The following KANSL1L variants were observed in gnomAD, a reference collection of about 807,000 sequenced individuals.
KANSL1L encodes KAT8 regulatory NSL complex subunit 1 like.
Under a neutral mutation model 108.6 loss-of-function variants are expected in KANSL1L, and 25 were observed. The observed-to-expected ratio is 0.23, with a 90% CI of 0.17 to 0.32. The LOEUF is 0.32. Among genes scored for constraint, KANSL1L ranks in the 10% least tolerant of loss-of-function variants. The probability of loss-of-function intolerance (pLI) is 1.00; values close to 1 mark genes in which losing one functional copy is unlikely to be tolerated. For synonymous variants in KANSL1L, 405 were observed against 395.1 expected (o/e 1.03, Z -0.30); for missense variants, 1,137 against 1,125.7 (o/e 1.01, Z -0.14).
intron 2 of KANSL1L, among the ~76,000 whole-genome samples, chr2:210,146,818 GCTT>G (rs1187169745): frequency 6.6e-6 from 1 of 152,136 alleles, no homozygotes; most frequent in Non-Finnish European, 1.5e-5. Flanking sequence ...GCAATCTGAT[GCTT>G]TTTTCATTAA....
chr2:210,026,035 A>G (rs1241508594), intron 12 of KANSL1L, among the ~76,000 whole-genome samples: 2 of 152,230 alleles, frequency 1.3e-5, no homozygotes, highest in Admixed American at 1.3e-4. Flanking sequence ...AGTAAAACTA[A>G]TAATCTTAGA....
In KANSL1L at chr2:210,044,131, T is replaced by C. The variant is rs1411298447; in HGVS notation, c.1756-27A>G. Reference sequence around the variant, plus strand: ...TGCAAGGAAAAACCGTATTAGAATATCACAGCCAAAGCATCCATAAATGGC... The same window carrying C: ...TGCAAGGAAAAACCGTATTAGAATACCACAGCCAAAGCATCCATAAATGGC... On this transcript the variant is annotated intron_variant, in intron 6 of 14. Transcript: ENST00000281772. This position sits in a 1 kb window ranked among gnomAD's most constrained non-coding sequence, Gnocchi z 4.2. 6.6e-7 allele frequency: 1 copy of C among 1,518,806 alleles called. No individual in the cohort carries two copies. The highest frequency in any genetic ancestry group is 8.9e-7 in the Non-Finnish European group (1 of 1,127,438). The allele number at this position is 1,518,806 out of a possible 1,614,324, so 94.1% of individuals were successfully genotyped here. A position where few individuals can be genotyped will look rare whatever the true frequency, so the allele number is the denominator to read the frequency against.
chr2:210,111,602 T>C (rs1252954454), intron 3 of KANSL1L, among the ~76,000 whole-genome samples: 1 of 152,164 alleles, frequency 6.6e-6, no homozygotes, highest in South Asian at 2.1e-4. Flanking sequence ...TTCAGTGAAC[T>C]GTATAGTTAA....
chr2:210,042,992 C>G (rs1192823057), intron 7 of KANSL1L, among the ~76,000 whole-genome samples: 9 of 152,122 alleles, frequency 5.9e-5, no homozygotes, highest in Non-Finnish European at 1.3e-4. Context: ...AGATATCCCC[C>G]AGTAAAGAAG....
chr2:210,021,753 A>G lies in KANSL1L; in HGVS notation c.*1196T>C, dbSNP rs2093859362. 6.6e-6 allele frequency: 1 copy of G among 152,190 alleles called. No individual in the cohort carries two copies. Among genetic ancestry groups the G allele is most frequent in the Admixed American group, 6.5e-5 (1 of 15,274 alleles). The allele number at this position is 152,190 out of a possible 1,614,324, so 9.4% of individuals were successfully genotyped here. On this transcript the variant is annotated 3_prime_UTR_variant, in exon 15 of 15. Coordinates refer to ENST00000281772, the MANE Select transcript of KANSL1L (RefSeq NM_152519.4). ...ACATGACAAAAAGTGAGTTATATAA[A>G]TTGTCCTCAACTTTCACATAGGAAA...
chr2:210,081,012 C>A (rs536482981), intron 5 of KANSL1L, among the ~76,000 whole-genome samples: 1 of 151,988 alleles, frequency 6.6e-6, no homozygotes, highest in Non-Finnish European at 1.5e-5. Context: ...GAGCCTGAGG[C>A]ATGAGAATCG....
At chr2:210,079,668 A>ATGTGTATATATATATATATATATATG (rs2094572583) in intron 5 of KANSL1L, 1 of 60,106 alleles carries the variant, frequency 1.7e-5, no homozygotes, top group Non-Finnish European at 2.8e-5. Context: ...ATATATATGT[A>ATGTGTATATATATATATATATATATG]TGTGTGTATA....
chr2:210,087,027 TATTTTA>T (rs1371266301), intron 5 of KANSL1L, among the ~76,000 whole-genome samples: 24 of 151,730 alleles, frequency 1.6e-4, no homozygotes, highest in African/African-American at 5.3e-4. Flanking sequence ...TTTTATTTTT[TATTTTA>T]TTTTTTTTTT....
At chr2:210,164,031 T>C (rs989327241) in intron 1 of KANSL1L, among the ~76,000 whole-genome samples, 67 of 152,254 alleles carry the variant, frequency 4.4e-4, no homozygotes, top group African/African-American at 1.4e-3. Context: ...AGAATGTAAC[T>C]GTCCAATAGA....
At chr2:210,040,574 A>G (rs2094154072) in intron 7 of KANSL1L, 47 bp from the exon 8 acceptor site, 3 of 806,860 alleles carry the variant, frequency 3.7e-6, no homozygotes, top group Non-Finnish European at 5.9e-6. Context: ...CACTCTTTGT[A>G]ATACTAGGAT....
chr2:210,108,242 C>G (rs2094869941), intron 3 of KANSL1L, among the ~76,000 whole-genome samples: 2 of 152,034 alleles, frequency 1.3e-5, no homozygotes, highest in African/African-American at 4.8e-5. Context: ...TTCTAATAAC[C>G]TAATTTTGTG....
At position 210,022,365 on chromosome 2, in the gene KANSL1L, T is replaced by TATTA. The variant is rs2093872687; in HGVS notation, c.*580_*583dup. 1 of 152,614 alleles carries TATTA rather than the reference T, an allele frequency of 6.6e-6. No individual in the cohort carries two copies. The highest frequency in any genetic ancestry group is 6.5e-5 in the Admixed American group (1 of 15,272). The allele number at this position is 152,614 out of a possible 1,614,324, so 9.5% of individuals were successfully genotyped here. A position where few individuals can be genotyped will look rare whatever the true frequency, so the allele number is the denominator to read the frequency against. ...ATATTCAGGACGTTCAGATGTCTTT[T>TATTA]ATTAGTGGAAACCTGTGTTTTATCT... On this transcript the variant is annotated 3_prime_UTR_variant, in exon 15 of 15. Transcript: ENST00000281772.
At position 210,044,992 on chromosome 2, in the gene KANSL1L, C is replaced by T. The variant is rs1393762868; in HGVS notation, c.1756-888G>A. 6.6e-6 allele frequency among the ~76,000 whole-genome samples: 1 copy of T among 152,110 alleles called. No individual in the cohort carries two copies. The highest frequency in any genetic ancestry group is 1.5e-5 in the Non-Finnish European group (1 of 68,032). On this transcript the variant is annotated intron_variant, in intron 6 of 14. Coordinates refer to ENST00000281772, the MANE Select transcript of KANSL1L (RefSeq NM_152519.4). The surrounding 1 kb of genome is among the most constrained non-coding windows in gnomAD (Gnocchi z 4.2). ...ACCAGTTGGCCAGGCTGGTCTCGAA[C>T]TCCTGACCTCAAGTGATTCAGCCTG...
chr2:210,023,974 TACAA>T (rs2093898647), intron 14 of KANSL1L, 55 bp downstream of exon 14: 3 of 1,197,370 alleles, frequency 2.5e-6, no homozygotes, highest in African/African-American at 3.1e-5. Flanking sequence ...AAGTAGTTTC[TACAA>T]ACAAGTAGTT....
chr2:210,080,290 A>G (rs928505640), intron 5 of KANSL1L: 1 of 152,070 alleles, frequency 6.6e-6, no homozygotes, highest in African/African-American at 2.4e-5. Context: ...ATCTTGCATG[A>G]TGCTTTCCCT....
intron 8 of KANSL1L, among the ~76,000 whole-genome samples, chr2:210,034,855 C>G (rs560433902): frequency 6.6e-6 from 1 of 152,282 alleles, no homozygotes; most frequent in South Asian, 2.1e-4. Context: ...GACCTAATTT[C>G]AGAATTACAG....
chr2:210,159,694 A>G (rs1475087877), intron 1 of KANSL1L, among the ~76,000 whole-genome samples: 5 of 152,264 alleles, frequency 3.3e-5, no homozygotes, highest in African/African-American at 1.2e-4. Context: ...AAACAACAAA[A>G]TATAGAAAGG....
intron 2 of KANSL1L, among the ~76,000 whole-genome samples, chr2:210,133,174 C>A (rs1459876759): frequency 6.6e-6 from 1 of 151,942 alleles, no homozygotes; most frequent in Non-Finnish European, 1.5e-5. Context: ...TGGTCAAGTC[C>A]CTTATATAAA....
chr2:210,154,377 C>G lies in KANSL1L; in HGVS notation c.206G>C (p.Gly69Ala), dbSNP rs2095322006. The G allele has an allele frequency of 6.2e-7, 1 of 1,609,508 alleles. No homozygotes were observed. Among genetic ancestry groups the G allele is most frequent in the African/African-American group, 1.3e-5 (1 of 74,456 alleles). Residue 69 changes from glycine to alanine, a missense_variant, in exon 2 of 15, where the codon GGC becomes GCC. Transcript: ENST00000281772. ...GTAATGTTTTGAAGACTGAGGGGAG[C>G]CAAAATGTTTTAAATTCACAAAATT... ...NTNFVNLKHF[G>A]SPQSSKHYQT...
Sources: gnomAD v4.1 joint callset for allele counts (sites outside exome capture counted in the v4.1 genomes callset) on GRCh38, gnomAD v4.1.1 for gene constraint, Gnocchi (gnomAD v3.1) non-coding constraint, MANE v1.5 for transcripts, NCBI Gene and HGNC (gene_info 2026-07-23, HGNC 2026-07-21) for gene names.